The following GRIK2 variants were observed in gnomAD, a reference collection of about 807,000 sequenced individuals.
GRIK2 encodes the protein glutamate ionotropic receptor kainate type subunit 2.
Under a neutral mutation model 100.3 loss-of-function variants are expected in GRIK2, and 32 were observed. That is an observed-to-expected ratio of 0.32 (90% CI 0.24 to 0.43). The LOEUF is 0.43. Among genes scored for constraint, GRIK2 ranks in the 20% least tolerant of loss-of-function variants. The probability of loss-of-function intolerance (pLI) is 1.00; values close to 1 mark genes in which losing one functional copy is unlikely to be tolerated. For synonymous variants in GRIK2, 417 were observed against 389.4 expected (o/e 1.07, Z -0.83); for missense variants, 843 against 1,114.9 (o/e 0.76, Z 3.47).
chr6:102,030,041 A>T (rs915615294), intron 14 of GRIK2, among the ~76,000 whole-genome samples: 2 of 151,246 alleles, frequency 1.3e-5, no homozygotes, highest in Non-Finnish European at 3.0e-5. Context: ...TTCAAGTATA[A>T]ATTTGCAGTA....
intron 2 of GRIK2, among the ~76,000 whole-genome samples, chr6:101,478,199 G>A (rs1040872586): frequency 6.6e-6 from 1 of 151,922 alleles, no homozygotes; most frequent in African/African-American, 2.4e-5. Context: ...GCATGATTAG[G>A]TTTTTTTGAG....
chr6:101,906,737 C>A (rs1788258186), intron 12 of GRIK2, among the ~76,000 whole-genome samples: 1 of 151,652 alleles, frequency 6.6e-6, no homozygotes, highest in Non-Finnish European at 1.5e-5. Flanking sequence ...AAACAATACA[C>A]CGGAGTACAA....
chr6:101,989,230 A>T (rs1054382139), intron 14 of GRIK2, among the ~76,000 whole-genome samples: 2 of 151,670 alleles, frequency 1.3e-5, no homozygotes, highest in African/African-American at 4.8e-5. Flanking sequence ...ATTGAAATGA[A>T]GCAACATTAG....
intron 2 of GRIK2, among the ~76,000 whole-genome samples, chr6:101,569,892 T>C (rs1288844115): frequency 6.6e-6 from 1 of 152,160 alleles, no homozygotes; most frequent in Non-Finnish European, 1.5e-5. Flanking sequence ...AATTACTTTC[T>C]TTCTTGCCTT....
chr6:101,838,841 C>T (rs1188540817), intron 10 of GRIK2, among the ~76,000 whole-genome samples: 6 of 151,830 alleles, frequency 4.0e-5, no homozygotes, highest in African/African-American at 1.2e-4. Flanking sequence ...TTAGTAGAGA[C>T]GAGGTTTCAC....
chr6:102,068,506 G>C lies in GRIK2; in HGVS notation c.2722G>C (p.Ala908Pro), dbSNP rs1265742873. 1 of 1,610,502 alleles carries C rather than the reference G, an allele frequency of 6.2e-7. No homozygotes were observed. The highest frequency in any genetic ancestry group is 1.1e-5 in the South Asian group (1 of 90,908). The change falls in exon 17 of 17, where the codon GCA becomes CCA. Residue 908 changes from alanine (A) to proline (P), a missense_variant. By Grantham distance (27) the Ala-to-Pro change is conservative. This residue lies in a region of GRIK2 where 87 missense variants were observed against 83.2 expected (regional missense o/e 1.05). Coordinates refer to ENST00000369134, the MANE Select transcript of GRIK2 (RefSeq NM_021956.5). ...DRRLPGKETM[A>P] The stretch of plus-strand genomic sequence containing the variant: ...AAGGTTGCCAGGTAAAGAAACCATG[G>C]CATAAAGCTGGGAGGCCAAACACCC...
chr6:101,888,347 T>C (rs960769628), intron 11 of GRIK2, among the ~76,000 whole-genome samples: 5 of 152,150 alleles, frequency 3.3e-5, no homozygotes, highest in Non-Finnish European at 5.9e-5. Flanking sequence ...AATAGTAGGA[T>C]TATGTAAGTT....
At chr6:102,018,371 G>A (rs917680149) in intron 14 of GRIK2, among the ~76,000 whole-genome samples, 2 of 151,978 alleles carry the variant, frequency 1.3e-5, no homozygotes, top group South Asian at 2.1e-4. Flanking sequence ...AAATATGTTA[G>A]GCTCTGATAT....
Position 101,801,878 on chromosome 6 carries a change from A to G in GRIK2, c.1096-453A>G, listed in dbSNP as rs562778593. Among the ~76,000 whole-genome samples the G allele has an allele frequency of 1.2e-4, 18 of 152,058 alleles. No homozygotes were observed. The South Asian group carries it at 3.7e-3, about 31-fold the overall frequency. On this transcript the variant is annotated intron_variant, in intron 8 of 16. Transcript: ENST00000369134. ...ATGTATATAATTGAGTTAGTATAAC[A>G]TAGCTTTTCCTGGATTCAGTTTCTC... is the stretch of plus-strand genomic sequence containing the variant.
Position 102,068,688 on chromosome 6 carries a change from C to T in GRIK2, c.*177C>T, listed in dbSNP as rs1772133635. The T allele has an allele frequency of 1.7e-6, 1 of 573,448 alleles. No homozygotes were observed. Among genetic ancestry groups the T allele is most frequent in the Non-Finnish European group, 3.1e-6 (1 of 325,442 alleles). 35.5% of individuals were successfully genotyped at this position (573,448 alleles called of 1,614,324 possible). A position where few individuals can be genotyped will look rare whatever the true frequency, so the allele number is the denominator to read the frequency against. The stretch of plus-strand genomic sequence containing the variant: ...AGTTGCAATGATCAGACTTGATTTA[C>T]AAGCATCATGGATCAACCAAGTTAC... On this transcript the variant is annotated 3_prime_UTR_variant, in exon 17 of 17. Coordinates refer to ENST00000369134, the MANE Select transcript of GRIK2 (RefSeq NM_021956.5).
chr6:101,851,735 A>AT (rs1784138975), intron 10 of GRIK2, among the ~76,000 whole-genome samples: 1 of 151,038 alleles, frequency 6.6e-6, no homozygotes, highest in Admixed American at 6.6e-5. Flanking sequence ...AATTAATACC[A>AT]TTTTGCATAC....
chr6:101,574,356 A>G (rs369138436), intron 2 of GRIK2, among the ~76,000 whole-genome samples: 23 of 147,650 alleles, frequency 1.6e-4, no homozygotes, highest in Middle Eastern at 3.6e-3. Context: ...ATATAATTAT[A>G]TATACTTATA....
intron 2 of GRIK2, among the ~76,000 whole-genome samples, chr6:101,519,570 C>G (rs1774768478): frequency 1.3e-5 from 2 of 151,842 alleles, no homozygotes; most frequent in Admixed American, 1.3e-4. Context: ...TTATTGTGAC[C>G]AGAATATTTT....
rs528041645 is a variant in GRIK2 at position 101,655,239 on chromosome 6, A to G, written c.542-21384A>G. Among the ~76,000 whole-genome samples, 33 of 152,302 alleles carry G rather than the reference A, an allele frequency of 2.2e-4. No homozygotes were observed. In the South Asian group the frequency reaches 6.4e-3, roughly 30 times the overall value. ...GAGTATTTTAGGTTTGAACACATGG[A>G]TTGCAGAATTTGTATGCTGGCCAGA... On this transcript the variant is annotated intron_variant, in intron 4 of 16. Transcript: ENST00000369134.
chr6:101,582,511 TCTC>T (rs1388506767), intron 2 of GRIK2, among the ~76,000 whole-genome samples: 2 of 152,074 alleles, frequency 1.3e-5, no homozygotes, highest in Non-Finnish European at 2.9e-5. Context: ...TTTCCTGAGG[TCTC>T]CTCAGCCTTG....
chr6:101,773,298 G>A (rs1328029392), intron 7 of GRIK2, among the ~76,000 whole-genome samples: 1 of 152,020 alleles, frequency 6.6e-6, no homozygotes, highest in Non-Finnish European at 1.5e-5. Flanking sequence ...GGCTAACATG[G>A]TGAAACCCCA....
At position 101,487,978 on chromosome 6, in the gene GRIK2, G is replaced by T. The variant is rs1198010332; in HGVS notation, c.115+88586G>T. Among the ~76,000 whole-genome samples, 4 of 145,360 alleles carry T rather than the reference G, an allele frequency of 2.8e-5. 1 individual carries two copies. The highest frequency in any genetic ancestry group is 1.1e-4 in the African/African-American group (4 of 38,040). On this transcript the variant is annotated intron_variant, in intron 2 of 16. Coordinates refer to ENST00000369134, the MANE Select transcript of GRIK2 (RefSeq NM_021956.5). ...GTATTTTTACCTTCTTTTGATTTTT[G>T]GCTAAAAATTATGTTCAGATGGATG...
intron 2 of GRIK2, among the ~76,000 whole-genome samples, chr6:101,505,074 CG>C (rs1773954943): frequency 6.8e-6 from 1 of 146,384 alleles, no homozygotes; most frequent in Non-Finnish European, 1.5e-5. Flanking sequence ...TTTTTTTTGT[CG>C]TTTTTTTACT....
chr6:101,830,995 G>A (rs376730484), intron 10 of GRIK2, among the ~76,000 whole-genome samples: 1 of 151,916 alleles, frequency 6.6e-6, no homozygotes, highest in East Asian at 1.9e-4. Context: ...AGAAAGAAAG[G>A]CTTGAAAACA....
Sources: gnomAD v4.1 joint callset for allele counts (sites outside exome capture counted in the v4.1 genomes callset) on GRCh38, gnomAD v4.1.1 for gene constraint, gnomAD v4.1.1 regional missense constraint, MANE v1.5 for transcripts, NCBI Gene and HGNC (gene_info 2026-07-23, HGNC 2026-07-21) for gene names.